The following IDO2 variants were observed in gnomAD, a reference collection of about 807,000 sequenced individuals.
IDO2 encodes the protein indoleamine 2,3-dioxygenase-like 1 protein.
A neutral mutation model predicts 45.1 loss-of-function variants in IDO2; 46 were observed. That is an observed-to-expected ratio of 1.02 (90% CI 0.80 to 1.30). The LOEUF (loss-of-function observed/expected upper bound fraction) is 1.30, where lower values mean the gene tolerates loss of function less well. Among genes scored for constraint, IDO2 ranks in the 50% most tolerant of loss-of-function variants. IDO2 has a pLI of 0.00. For missense variants in IDO2, 544 were observed against 491.8 expected (o/e 1.11, Z -1.00); for synonymous variants, 218 against 184.9 (o/e 1.18, Z -1.45).
In IDO2 at chr8:39,989,829, C is replaced by T. The variant is rs1462956438; in HGVS notation, c.658C>T (p.Gln220Ter). 9 of 1,589,450 alleles carry T rather than the reference C, an allele frequency of 5.7e-6. No individual in the cohort carries two copies. The highest frequency in any genetic ancestry group is 6.9e-6 in the Non-Finnish European group (8 of 1,166,916). The change falls in exon 8 of 11, where the codon CAG becomes TAG. Residue 220 changes from glutamine to a stop codon, truncating the protein, a stop_gained. Transcript: ENST00000502986. LOFTEE classifies it high-confidence loss of function. Reference sequence around the variant, plus strand: ...TCAGGACATCACCAAAACCTTAGGACAGATGCATGGTAAGATGCTTCCGAA... The same window carrying T: ...TCAGGACATCACCAAAACCTTAGGATAGATGCATGGTAAGATGCTTCCGAA...
chr8:39,967,886 TTGCTGGTTGAAA>T (rs1431123591), intron 3 of IDO2, among the ~76,000 whole-genome samples: 1 of 152,242 alleles, frequency 6.6e-6, no homozygotes, highest in Non-Finnish European at 1.5e-5. Context: ...CTTTCATTCA[TTGCTGGTTGAAA>T]TGCAAAATGG....
intron 2 of IDO2, among the ~76,000 whole-genome samples, chr8:39,953,978 C>T (rs187853716): frequency 1.2e-4 from 19 of 152,160 alleles, no homozygotes; most frequent in East Asian, 1.9e-4. Context: ...GCCATCTAAC[C>T]GAATGCCATT....
chr8:39,963,339 C>T (rs1467527665), intron 2 of IDO2, among the ~76,000 whole-genome samples: 1 of 152,202 alleles, frequency 6.6e-6, no homozygotes, highest in Non-Finnish European at 1.5e-5. Flanking sequence ...AGTTATTTGG[C>T]TCACACAGAT....
intron 5 of IDO2, chr8:39,984,886 G>T: frequency 2.3e-6 from 1 of 434,300 alleles, no homozygotes; most frequent in Non-Finnish European, 4.6e-6. Flanking sequence ...AAAATGTGGG[G>T]TTGTGGTAAA....
At chr8:39,947,870 C>G (rs556133586) in intron 1 of IDO2, among the ~76,000 whole-genome samples, 1 of 151,822 alleles carries the variant, frequency 6.6e-6, no homozygotes, top group South Asian at 2.1e-4. Flanking sequence ...TCACTGCAAC[C>G]TCCACCTCCC....
chr8:39,977,084 A>G (rs939333033), intron 3 of IDO2, among the ~76,000 whole-genome samples: 3 of 152,218 alleles, frequency 2.0e-5, no homozygotes, highest in Admixed American at 6.5e-5. Context: ...TTATTAAACA[A>G]CAATGAACTA....
At chr8:39,944,260 T>C (rs1386195209) in intron 1 of IDO2, among the ~76,000 whole-genome samples, 1 of 80,570 alleles carries the variant, frequency 1.2e-5, no homozygotes, top group Non-Finnish European at 2.9e-5. Flanking sequence ...CTGAATATTA[T>C]TACGCAAGGA....
chr8:40,006,780 C>G (rs899008734), intron 9 of IDO2, among the ~76,000 whole-genome samples: 38 of 152,222 alleles, frequency 2.5e-4, no homozygotes, highest in African/African-American at 8.7e-4. Context: ...CCTGCCTCAG[C>G]CTCCCGAGTA....
chr8:39,945,648 G>T (rs1258268940), intron 1 of IDO2, among the ~76,000 whole-genome samples: 1 of 152,206 alleles, frequency 6.6e-6, no homozygotes, highest in Admixed American at 6.5e-5. Context: ...AACGAGGAGT[G>T]TCTGACATTC....
At chr8:39,936,224 G>C (rs1229720881) in intron 1 of IDO2, among the ~76,000 whole-genome samples, 1 of 152,104 alleles carries the variant, frequency 6.6e-6, no homozygotes, top group Non-Finnish European at 1.5e-5. Context: ...AGGTACTGTA[G>C]ATGCATTTTG....
At chr8:39,952,900 C>T (rs989744380) in intron 2 of IDO2, among the ~76,000 whole-genome samples, 6 of 152,142 alleles carry the variant, frequency 3.9e-5, no homozygotes, top group African/African-American at 1.4e-4. Context: ...TCCTGAGTAG[C>T]TGGGATTACA....
At chr8:39,941,476 C>T (rs1807642273) in intron 1 of IDO2, among the ~76,000 whole-genome samples, 2 of 151,966 alleles carry the variant, frequency 1.3e-5, no homozygotes, top group South Asian at 2.1e-4. Flanking sequence ...TAATGCCAGG[C>T]CAAGAAAATT....
At chr8:39,993,018 C>T (rs993592851) in intron 8 of IDO2, among the ~76,000 whole-genome samples, 13 of 151,994 alleles carry the variant, frequency 8.6e-5, no homozygotes, top group Non-Finnish European at 1.3e-4. Context: ...CATAATCTGC[C>T]CCCATAAGGC....
intron 1 of IDO2, 108 bp from the exon 2 acceptor site, chr8:39,949,041 T>A: frequency 7.0e-7 from 1 of 1,431,642 alleles, no homozygotes; most frequent in South Asian, 1.4e-5. Context: ...CAGGGAAAAG[T>A]TCTCTCCTGT....
intron 3 of IDO2, among the ~76,000 whole-genome samples, chr8:39,968,888 T>TAAA (rs753978365): frequency 7.6e-6 from 1 of 130,744 alleles, no homozygotes. Flanking sequence ...TTTAAAAAAG[T>TAAA]AAAAAAAAAA....
At chr8:39,967,973 C>T (rs1157589993) in intron 3 of IDO2, among the ~76,000 whole-genome samples, 1 of 151,738 alleles carries the variant, frequency 6.6e-6, no homozygotes, top group African/African-American at 2.4e-5. Context: ...TACCATGCAA[C>T]TCAGCAATGG....
At chr8:40,008,528 G>A (rs1585421725) in intron 9 of IDO2, among the ~76,000 whole-genome samples, 1 of 152,300 alleles carries the variant, frequency 6.6e-6, no homozygotes, top group Admixed American at 6.5e-5. Flanking sequence ...CACCTGCAAA[G>A]TCCCCTTTGC....
chr8:39,935,880 A>G (rs928682349), intron 1 of IDO2, among the ~76,000 whole-genome samples: 1 of 152,240 alleles, frequency 6.6e-6, no homozygotes. Flanking sequence ...AGACATGTAC[A>G]TTATGAAGTA....
chr8:39,947,202 G>C (rs912188000), intron 1 of IDO2, among the ~76,000 whole-genome samples: 2 of 143,886 alleles, frequency 1.4e-5, no homozygotes, highest in Non-Finnish European at 3.0e-5. Context: ...AAAAGAAGTA[G>C]AGTGTTTAAT....
Sources: gnomAD v4.1 joint callset for allele counts (sites outside exome capture counted in the v4.1 genomes callset) on GRCh38, gnomAD v4.1.1 for gene constraint, MANE v1.5 for transcripts, NCBI Gene and HGNC (gene_info 2026-07-23, HGNC 2026-07-21) for gene names.